SESTD1: variants seen among roughly 807,000 people sequenced by gnomAD.
SESTD1 encodes SEC14 domain and spectrin repeat-containing protein 1.
SESTD1 carries 43 observed loss-of-function variants against 101.7 expected under a neutral mutation model. The observed-to-expected ratio is 0.42, with a 90% CI of 0.33 to 0.55. The LOEUF is 0.55. Ranked by LOEUF, SESTD1 falls within the 20% of genes least tolerant of loss-of-function variation. The pLI is 0.07. For synonymous variants in SESTD1, 283 were observed against 286.8 expected (o/e 0.99, Z 0.13); for missense variants, 647 against 815.1 (o/e 0.79, Z 2.51).
At chr2:179,185,278 A>G (rs1292292703) in intron 2 of SESTD1, among the ~76,000 whole-genome samples, 1 of 150,200 alleles carries the variant, frequency 6.7e-6, no homozygotes, top group East Asian at 1.9e-4. Flanking sequence ...GCTATGAATA[A>G]GAATATTTAC....
At chr2:179,262,318 T>C (rs575494418) in intron 1 of SESTD1, among the ~76,000 whole-genome samples, 5 of 152,280 alleles carry the variant, frequency 3.3e-5, no homozygotes, top group Admixed American at 3.3e-4. Flanking sequence ...AACTACTGAA[T>C]TGCATACTTT....
chr2:179,137,554 G>C (rs988786944), intron 9 of SESTD1, among the ~76,000 whole-genome samples: 3 of 152,186 alleles, frequency 2.0e-5, no homozygotes, highest in East Asian at 1.9e-4. Context: ...AATAAATAAT[G>C]AGCATAATGA....
intron 1 of SESTD1, among the ~76,000 whole-genome samples, chr2:179,195,756 T>G (rs1241649387): frequency 6.6e-6 from 1 of 151,716 alleles, no homozygotes; most frequent in African/African-American, 2.4e-5. Flanking sequence ...ACGTAAAGGT[T>G]ACATATGAAA....
intron 1 of SESTD1, among the ~76,000 whole-genome samples, chr2:179,230,634 G>A (rs1039396853): frequency 9.9e-5 from 15 of 152,030 alleles, no homozygotes; most frequent in African/African-American, 3.4e-4. Flanking sequence ...GAATGAAAAT[G>A]AGATAACGCG....
intron 1 of SESTD1, among the ~76,000 whole-genome samples, chr2:179,221,997 T>C (rs2046822714): frequency 1.3e-5 from 2 of 152,236 alleles, no homozygotes; most frequent in African/African-American, 4.8e-5. Context: ...TAGAACATTC[T>C]GCAAATTTTC....
At chr2:179,119,060 A>C (rs1340425459) in intron 13 of SESTD1, among the ~76,000 whole-genome samples, 2 of 152,230 alleles carry the variant, frequency 1.3e-5, no homozygotes, top group South Asian at 2.1e-4. Flanking sequence ...ATAGAAGATA[A>C]AATTATGCAA....
rs1250871791 is a variant in SESTD1, at chr2:179,106,099, C to T, written c.*3800G>A. The T allele has an allele frequency of 6.6e-6, 1 of 152,142 alleles. No homozygotes were observed. Among genetic ancestry groups the T allele is most frequent in the Non-Finnish European group, 1.5e-5 (1 of 68,022 alleles). The allele number at this position is 152,142 out of a possible 1,614,324, so 9.4% of individuals were successfully genotyped here. A position where few individuals can be genotyped will look rare whatever the true frequency, so the allele number is the denominator to read the frequency against. On this transcript the variant is annotated 3_prime_UTR_variant, in exon 18 of 18. Coordinates refer to ENST00000428443, the MANE Select transcript of SESTD1 (RefSeq NM_178123.5). ...GGACTGAACGTTAACAATAAGTCTA[C>T]TAATTAGGTTAACTGCTTAGCTATG... is the stretch of plus-strand genomic sequence containing the variant.
intron 4 of SESTD1, among the ~76,000 whole-genome samples, chr2:179,172,536 T>G (rs2045945400): frequency 6.6e-6 from 1 of 152,174 alleles, no homozygotes; most frequent in Non-Finnish European, 1.5e-5. Context: ...TAAGAGTTAA[T>G]TTTTAGTTGG....
At chr2:179,248,442 T>C (rs932788070) in intron 1 of SESTD1, among the ~76,000 whole-genome samples, 1 of 152,110 alleles carries the variant, frequency 6.6e-6, no homozygotes, top group African/African-American at 2.4e-5. Context: ...ATGCCAAAAC[T>C]AGGCAAAGAC....
intron 13 of SESTD1, among the ~76,000 whole-genome samples, chr2:179,118,671 G>A (rs2044686993): frequency 6.6e-6 from 1 of 152,082 alleles, no homozygotes; most frequent in Non-Finnish European, 1.5e-5. Flanking sequence ...TTTTAAATAT[G>A]AAACTAAAAA....
At chr2:179,186,683 AAT>A (rs1491345334) in intron 2 of SESTD1, among the ~76,000 whole-genome samples, 4 of 117,256 alleles carry the variant, frequency 3.4e-5, no homozygotes, top group Non-Finnish European at 5.0e-5. Flanking sequence ...ATTTTCAGGG[AAT>A]TTTTTTTTTT....
chr2:179,165,715 C>A (rs1157398400), intron 5 of SESTD1, among the ~76,000 whole-genome samples: 1 of 152,360 alleles, frequency 6.6e-6, no homozygotes, highest in Middle Eastern at 3.4e-3. Flanking sequence ...ACCAGGGCAA[C>A]ACCCTTCCTA....
chr2:179,132,217 C>T, intron 10 of SESTD1, 87 bp downstream of exon 10: 1 of 1,409,230 alleles, frequency 7.1e-7, no homozygotes, highest in Non-Finnish European at 9.2e-7. Flanking sequence ...CCAAAGTTTG[C>T]AGCAACTTAT....
At chr2:179,164,717 T>C (rs1477477363) in intron 5 of SESTD1, among the ~76,000 whole-genome samples, 1 of 152,030 alleles carries the variant, frequency 6.6e-6, no homozygotes, top group Admixed American at 6.6e-5. Context: ...GAGGAGTGAA[T>C]AGTAAGGAGG....
intron 1 of SESTD1, among the ~76,000 whole-genome samples, chr2:179,228,347 A>T (rs2046922576): frequency 6.6e-6 from 1 of 152,194 alleles, no homozygotes; most frequent in East Asian, 1.9e-4. Context: ...TTGGGGAGTT[A>T]TATATCTCCT....
At chr2:179,195,337 CCTTA>C (rs1045444536) in intron 1 of SESTD1, among the ~76,000 whole-genome samples, 5 of 152,234 alleles carry the variant, frequency 3.3e-5, no homozygotes, top group African/African-American at 1.2e-4. Flanking sequence ...CCCCTGCCCT[CCTTA>C]CTTCTCTCTC....
chr2:179,152,209 T>C (rs1312040298), intron 5 of SESTD1, among the ~76,000 whole-genome samples: 1 of 152,158 alleles, frequency 6.6e-6, no homozygotes, highest in Non-Finnish European at 1.5e-5. Context: ...ACTCTCACAA[T>C]AACAAAAGCC....
chr2:179,178,172 A>T (rs1204845786), intron 3 of SESTD1, among the ~76,000 whole-genome samples: 1 of 152,366 alleles, frequency 6.6e-6, no homozygotes, highest in East Asian at 1.9e-4. Context: ...TGTCTACTTT[A>T]AAAAGACGAT....
At chr2:179,146,532 A>C (rs1293043878) in intron 7 of SESTD1, 75 bp from the exon 8 acceptor site, 1 of 1,247,196 alleles carries the variant, frequency 8.0e-7, no homozygotes, top group African/African-American at 1.5e-5. Flanking sequence ...CTTTACATAT[A>C]AAAAAACAGA....
Sources: allele counts gnomAD v4.1 joint callset (sites outside exome capture counted in the v4.1 genomes callset), GRCh38; gene constraint gnomAD v4.1.1; transcripts MANE v1.5; gene names NCBI Gene and HGNC (gene_info 2026-07-23, HGNC 2026-07-21).